The following MGST1 variants were observed in gnomAD, a reference collection of about 807,000 sequenced individuals.
The protein encoded by MGST1 is microsomal glutathione S-transferase 1, also known as glutathione S-transferase 12.
Under a neutral mutation model 8.9 loss-of-function variants are expected in MGST1, and 5 were observed. The ratio of observed to expected loss-of-function variants is 0.56; its 90% CI spans 0.29 to 1.19. MGST1 has a LOEUF of 1.19. Ranked by LOEUF, MGST1 falls within the 50% of genes most tolerant of loss-of-function variation. The pLI, the probability that MGST1 is intolerant of heterozygous loss-of-function variation, is 0.08. For synonymous variants in MGST1, 54 were observed against 67.8 expected, an observed-to-expected ratio of 0.80 and a Z score of 1.00; for missense variants, 182 against 187.4, an observed-to-expected ratio of 0.97 and a Z score of 0.17.
intron 4 of MGST1, among the ~76,000 whole-genome samples, chr12:16,541,512 A>T (rs2137212995): frequency 6.6e-6 from 1 of 152,318 alleles, no homozygotes; most frequent in African/African-American, 2.4e-5. Flanking sequence ...ATGACAATCT[A>T]ATAAGAACTA....
chr12:16,357,672 CA>C lies in MGST1; in HGVS notation c.195del (p.Asp66MetfsTer4). ...KGENAKKYLR[T>X]DDRVERVRRA... ...GAAAATGCCAAGAAGTATCTTCGAA[CA>C]GATGACAGAGTAGAACGTGTACGCA... On this transcript the variant is annotated frameshift_variant, in exon 3 of 4. Transcript: ENST00000396210. LOFTEE classifies it high-confidence loss of function. 3 of 1,613,860 alleles carry C rather than the reference CA, an allele frequency of 1.9e-6. No individual in the cohort carries two copies. Among genetic ancestry groups the C allele is most frequent in the Non-Finnish European group, 2.5e-6 (3 of 1,179,858 alleles).
chr12:16,535,463 G>C (rs1941751314), intron 4 of MGST1, among the ~76,000 whole-genome samples: 1 of 152,138 alleles, frequency 6.6e-6, no homozygotes, highest in African/African-American at 2.4e-5. Context: ...AATTGTGCTG[G>C]ATCAAGTTCC....
At chr12:16,568,822 A>G (rs777851601) in intron 4 of MGST1, among the ~76,000 whole-genome samples, 1 of 152,162 alleles carries the variant, frequency 6.6e-6, no homozygotes, top group African/African-American at 2.4e-5. Context: ...ACATCCCTGG[A>G]TATATGACAG....
chr12:16,522,448 G>C (rs1311259569), intron 4 of MGST1, among the ~76,000 whole-genome samples: 1 of 151,970 alleles, frequency 6.6e-6, no homozygotes, highest in Non-Finnish European at 1.5e-5. Flanking sequence ...TTTTGAGTCT[G>C]TTAAGTACTC....
intron 4 of MGST1, among the ~76,000 whole-genome samples, chr12:16,563,713 T>C (rs1030820197): frequency 1.4e-4 from 21 of 152,172 alleles, no homozygotes; most frequent in Non-Finnish European, 2.8e-4. Flanking sequence ...ATCCTCTAGA[T>C]AAGAGGGCCT....
At chr12:16,352,304 A>T (rs1913262) in intron 1 of MGST1, among the ~76,000 whole-genome samples, 106,635 of 152,092 alleles carry the variant, frequency 0.7, 37,693 homozygotes, top group Non-Finnish European at 0.73. Context: ...TGACCAATAA[A>T]GATACATATA....
In MGST1 at chr12:16,517,148, C is replaced by G. The variant is rs1941620561; in HGVS notation, n.483-72380C>G. On this transcript the variant is annotated intron_variant and non_coding_transcript_variant, in intron 4 of 4. Coordinates refer to the MGST1 transcript ENST00000538857. This position sits in a 1 kb window ranked among gnomAD's most constrained non-coding sequence, Gnocchi z 4.2. ...AAGTCATTGGAAGGAAGCTGAATGG[C>G]TCCTAGGCCAGCAAACTTCACAATC... is the stretch of plus-strand genomic sequence containing the variant. Among the ~76,000 whole-genome samples, 1 of 152,062 alleles carries G rather than the reference C, an allele frequency of 6.6e-6. No individual in the cohort carries two copies. The highest frequency in any genetic ancestry group is 6.5e-5 in the Admixed American group (1 of 15,270).
At chr12:16,561,297 C>T (rs1705699066) in intron 4 of MGST1, among the ~76,000 whole-genome samples, 1 of 152,082 alleles carries the variant, frequency 6.6e-6, no homozygotes, top group South Asian at 2.1e-4. Context: ...AATATTTTAT[C>T]CATTTGCACT....
chr12:16,447,019 C>A (rs1298238418), intron 4 of MGST1, among the ~76,000 whole-genome samples: 2 of 151,942 alleles, frequency 1.3e-5, no homozygotes, highest in Non-Finnish European at 2.9e-5. Flanking sequence ...CTAAGCCTCT[C>A]TATTCCTTTC....
At chr12:16,402,976 A>G (rs1295179601) in intron 1 of MGST1, among the ~76,000 whole-genome samples, 2 of 150,424 alleles carry the variant, frequency 1.3e-5, no homozygotes, top group Admixed American at 1.3e-4. Flanking sequence ...TTATTATTAA[A>G]TAAATTATCT....
chr12:16,436,068 C>A (rs777183672), intron 1 of MGST1, among the ~76,000 whole-genome samples: 3 of 151,700 alleles, frequency 2.0e-5, no homozygotes, highest in African/African-American at 2.4e-5. Flanking sequence ...ATTATTTGAG[C>A]TTCTAATCAG....
intron 1 of MGST1, among the ~76,000 whole-genome samples, chr12:16,424,034 G>A (rs1205266484): frequency 6.6e-6 from 1 of 152,170 alleles, no homozygotes; most frequent in Non-Finnish European, 1.5e-5. Context: ...AGCCTATCTA[G>A]CTTTGTTTTA....
chr12:16,483,707 A>C (rs1012469063), intron 4 of MGST1, among the ~76,000 whole-genome samples: 10 of 152,200 alleles, frequency 6.6e-5, no homozygotes, highest in Admixed American at 5.2e-4. Flanking sequence ...CTTAAGACAC[A>C]CAAAGCAAAA....
intron 4 of MGST1, among the ~76,000 whole-genome samples, chr12:16,561,225 C>G (rs948553484): frequency 6.6e-6 from 1 of 152,058 alleles, no homozygotes; most frequent in Non-Finnish European, 1.5e-5. Context: ...TCCTGAGAAT[C>G]GTTATTGTAA....
rs1191603131 is a variant in MGST1 at position 16,576,291 on chromosome 12, T to TG, written n.483-13237_483-13236insG. Among the ~76,000 whole-genome samples, 1 of 152,144 alleles carries TG rather than the reference T, an allele frequency of 6.6e-6. No individual in the cohort carries two copies. Among genetic ancestry groups the TG allele is most frequent in the African/African-American group, 2.4e-5 (1 of 41,436 alleles). ...GCATGAAAGGTCCATCCTGTCTGTC[T>TG]TCTTTTCTGTCTTCTATCCCATCAC... On this transcript the variant is annotated intron_variant and non_coding_transcript_variant, in intron 4 of 4. Transcript: ENST00000538857. This position sits in a 1 kb window ranked among gnomAD's most constrained non-coding sequence, Gnocchi z 4.1.
chr12:16,478,324 G>C (rs1331465107), intron 4 of MGST1, among the ~76,000 whole-genome samples: 1 of 152,090 alleles, frequency 6.6e-6, no homozygotes, highest in South Asian at 2.1e-4. Context: ...CACCACGCCC[G>C]GCCCTTTCTC....
chr12:16,359,330 C>T (rs1939882113), intron 3 of MGST1, among the ~76,000 whole-genome samples: 1 of 152,184 alleles, frequency 6.6e-6, no homozygotes, highest in African/African-American at 2.4e-5. Context: ...AAAGTACCTT[C>T]TTGCTCATGC....
chr12:16,534,017 G>A (rs1941739123), intron 4 of MGST1, among the ~76,000 whole-genome samples: 1 of 152,158 alleles, frequency 6.6e-6, no homozygotes, highest in Non-Finnish European at 1.5e-5. Flanking sequence ...ATTACGGTGA[G>A]GTGGAAGATG....
In MGST1 at chr12:16,401,724, C is replaced by T. The variant is rs1940656727; in HGVS notation, n.778+18120C>T. 6.2e-7 allele frequency: 1 copy of T among 1,601,318 alleles called. No individual in the cohort carries two copies. The highest frequency in any genetic ancestry group is 1.7e-5 in the Admixed American group (1 of 59,980). On this transcript the variant is annotated intron_variant and non_coding_transcript_variant, in intron 1 of 1. Transcript: ENST00000359720. This position sits in a 1 kb window ranked among gnomAD's most constrained non-coding sequence, Gnocchi z 4.3. ...CATTTCCACAGTAGAAGGGTCTGCC[C>T]CAGCAAGGTATTTTTTCTCTTCAAC...
Sources: gnomAD v4.1 joint callset for allele counts (sites outside exome capture counted in the v4.1 genomes callset) on GRCh38, gnomAD v4.1.1 for gene constraint, Gnocchi (gnomAD v3.1) non-coding constraint, MANE v1.5 for transcripts, NCBI Gene and HGNC (gene_info 2026-07-23, HGNC 2026-07-21) for gene names.